MCOLN3: variants seen among roughly 807,000 people sequenced by gnomAD.
The protein encoded by MCOLN3 is mucolipin-3.
Under a neutral mutation model 69.4 loss-of-function variants are expected in MCOLN3, and 62 were observed. The ratio of observed to expected loss-of-function variants is 0.89; its 90% CI spans 0.73 to 1.10. The LOEUF is 1.10. MCOLN3 is among the 50% of genes least tolerant of loss of function. MCOLN3 has a pLI of 0.00. For synonymous variants in MCOLN3, 183 were observed against 217.0 expected (o/e 0.84, Z 1.38); for missense variants, 564 against 656.4 (o/e 0.86, Z 1.54).
At chr1:85,026,969 G>A (rs1652256005) in intron 7 of MCOLN3, among the ~76,000 whole-genome samples, 1 of 151,602 alleles carries the variant, frequency 6.6e-6, no homozygotes, top group African/African-American at 2.4e-5. Flanking sequence ...GCCATGGTTG[G>A]TCTTGAACTC....
At chr1:85,046,333 A>T (rs576690917) in intron 1 of MCOLN3, among the ~76,000 whole-genome samples, 1 of 151,770 alleles carries the variant, frequency 6.6e-6, no homozygotes, top group East Asian at 1.9e-4. Context: ...ACGTTTGAAA[A>T]GGGTTGGGTC....
chr1:85,033,096 T>C (rs1247570605), intron 4 of MCOLN3, 140 bp from the exon 5 acceptor site: 2 of 775,106 alleles, frequency 2.6e-6, no homozygotes, highest in African/African-American at 1.8e-5. Context: ...TTTTAAAAGC[T>C]AAATAAACAT....
chr1:85,039,166 C>G lies in MCOLN3; in HGVS notation c.396+1844G>C, dbSNP rs143758775. On this transcript the variant is annotated intron_variant, in intron 3 of 12. Transcript: ENST00000370589. ...TTTTATCTTCAGCTAAAAGTACCTA[C>G]TGGTGCTTAGAAAAACAGTAAATCA... 2.0e-5 allele frequency among the ~76,000 whole-genome samples: 3 copies of G among 152,240 alleles called. No individual in the cohort carries two copies. In the East Asian group the frequency reaches 5.8e-4, roughly 29 times the overall value.
rs773012230 is a variant in MCOLN3, at chr1:85,032,959, G to T, written c.551-3C>A. ...ATCTGGCTCCACAAAGAAACACTCT[G>T]CCATAGAAAGGAACAAAAACATGAT... is the stretch of plus-strand genomic sequence containing the variant. On this transcript the variant is annotated splice_polypyrimidine_tract_variant and splice_region_variant and intron_variant, in intron 4 of 12. Transcript: ENST00000370589. The T allele has an allele frequency of 1.2e-6, 2 of 1,613,568 alleles. No individual in the cohort carries two copies. Among genetic ancestry groups the T allele is most frequent in the East Asian group, 2.2e-5 (1 of 44,888 alleles).
chr1:85,019,162 A>T lies in MCOLN3; in HGVS notation c.1623T>A (p.Asp541Glu). ...LPNSGKYRLE[D>E]DPPVSLFCCC... is the part of the protein sequence containing the mutation. ...AGCAGAATAAAGATACTGGAGGGTCATCTTCTAATCTGTATTTTCCAGAGT... is the reference window on the plus strand; with the variant it reads ...AGCAGAATAAAGATACTGGAGGGTCTTCTTCTAATCTGTATTTTCCAGAGT... The change falls in exon 13 of 13, where the codon GAT becomes GAA. Residue 541 changes from aspartate to glutamate, a missense_variant. Coordinates refer to ENST00000370589, the MANE Select transcript of MCOLN3 (RefSeq NM_018298.11). The T allele has an allele frequency of 6.2e-7, 1 of 1,613,776 alleles. No individual in the cohort carries two copies. Among genetic ancestry groups the T allele is most frequent in the Non-Finnish European group, 8.5e-7 (1 of 1,179,724 alleles).
At chr1:85,039,705 TG>T (rs1652966329) in intron 3 of MCOLN3, among the ~76,000 whole-genome samples, 1 of 152,250 alleles carries the variant, frequency 6.6e-6, no homozygotes, top group South Asian at 2.1e-4. Context: ...TAATGCACTT[TG>T]GGAGGCTGAG....
At chr1:85,045,397 A>G (rs750746229) in intron 1 of MCOLN3, 35 bp from the exon 2 acceptor site, 16 of 1,520,562 alleles carry the variant, frequency 1.1e-5, no homozygotes, top group African/African-American at 1.4e-5. Context: ...AACAACCAAC[A>G]TTTCCATTTA....
intron 6 of MCOLN3, 181 bp from the exon 7 acceptor site, chr1:85,029,386 A>G: frequency 1.8e-6 from 1 of 562,780 alleles, no homozygotes; most frequent in Middle Eastern, 4.5e-4. Context: ...AATGAGAACG[A>G]TGAACTAGAT....
chr1:85,023,964 T>C (rs1228063748), intron 9 of MCOLN3, among the ~76,000 whole-genome samples: 1 of 152,168 alleles, frequency 6.6e-6, no homozygotes, highest in African/African-American at 2.4e-5. Flanking sequence ...ATTGGACTTA[T>C]CAGCATGAGA....
intron 2 of MCOLN3, among the ~76,000 whole-genome samples, chr1:85,043,462 G>A (rs537915486): frequency 9.9e-5 from 15 of 151,926 alleles, no homozygotes; most frequent in African/African-American, 3.4e-4. Flanking sequence ...CCCGGGAGGC[G>A]GAGGTTGCAG....
At chr1:85,031,153 C>A (rs1213212288) in intron 6 of MCOLN3, among the ~76,000 whole-genome samples, 1 of 151,854 alleles carries the variant, frequency 6.6e-6, no homozygotes, top group African/African-American at 2.4e-5. Context: ...TGCCTGTAGT[C>A]CCAGCTACTC....
chr1:85,046,233 G>A (rs1482430409), intron 1 of MCOLN3, among the ~76,000 whole-genome samples: 1 of 151,898 alleles, frequency 6.6e-6, no homozygotes, highest in Non-Finnish European at 1.5e-5. Context: ...CCCAGTCTGT[G>A]GCATCGCTTG....
At position 85,026,012 on chromosome 1, in the gene MCOLN3, C is replaced by T. The variant is rs1652195637; in HGVS notation, c.1022G>A (p.Trp341Ter). The change falls in exon 9 of 13, where the codon TGG becomes TAG. Residue 341 changes from tryptophan (W) to a stop codon, truncating the protein, a stop_gained. Coordinates refer to ENST00000370589, the MANE Select transcript of MCOLN3 (RefSeq NM_018298.11). LOFTEE classifies it high-confidence loss of function. Reference sequence around the variant, plus strand: ...GTCACTAATAATAATCATAATGTACCATCCATTGACAAATTCCATTTGATC... The same window carrying T: ...GTCACTAATAATAATCATAATGTACTATCCATTGACAAATTCCATTTGATC... ...VSDQMEFVNG[W>*]YIMIIISDIL... The T allele has an allele frequency of 1.3e-6, 2 of 1,597,310 alleles. No individual in the cohort carries two copies. Among genetic ancestry groups the T allele is most frequent in the Non-Finnish European group, 1.7e-6 (2 of 1,171,272 alleles).
chr1:85,040,911 AC>A (rs754105529), intron 3 of MCOLN3, 98 bp downstream of exon 3: 43 of 1,109,094 alleles, frequency 3.9e-5, no homozygotes, highest in Middle Eastern at 3.0e-4. Context: ...AGAAATGTTC[AC>A]CCTTCTCCAC....
In MCOLN3 at chr1:85,041,021, C is replaced by A. The variant is rs142799067; in HGVS notation, c.385G>T (p.Ala129Ser). The A allele has an allele frequency of 5.0e-6, 8 of 1,612,916 alleles. No homozygotes were observed. The highest frequency in any genetic ancestry group is 5.9e-6 in the Non-Finnish European group (7 of 1,179,726). Reference sequence around the variant, plus strand: ...CACACTTGATTTACCTGGTTTACTGCGAAGATTAACTGATCATACACGTCA... The same window carrying A: ...CACACTTGATTTACCTGGTTTACTGAGAAGATTAACTGATCATACACGTCA... ...QSDVYDQLIF[A>S]VNQYLQLYNV... The change falls in exon 3 of 13, where the codon GCA (alanine) becomes TCA (serine). Residue 129 changes from alanine to serine, a missense_variant. Physicochemically the swap from Ala to Ser is moderately conservative, Grantham distance 99 (BLOSUM62 1). Coordinates refer to ENST00000370589, the MANE Select transcript of MCOLN3 (RefSeq NM_018298.11).
At position 85,022,293 on chromosome 1, in the gene MCOLN3, C is replaced by T; in HGVS notation, c.1197+6G>A. On this transcript the variant is annotated splice_donor_region_variant and intron_variant, in intron 10 of 12. Transcript: ENST00000370589. ...CAACAGCATGGAGATCCGTGGAATTCCTTACGTTGTACTTTGCAAAGAAAC... is the reference window on the plus strand; with the variant it reads ...CAACAGCATGGAGATCCGTGGAATTTCTTACGTTGTACTTTGCAAAGAAAC... 6.2e-7 allele frequency: 1 copy of T among 1,613,806 alleles called. No homozygotes were observed. Among genetic ancestry groups the T allele is most frequent in the Non-Finnish European group, 8.5e-7 (1 of 1,179,764 alleles).
chr1:85,043,687 A>C (rs1267817353), intron 2 of MCOLN3, among the ~76,000 whole-genome samples: 1 of 152,144 alleles, frequency 6.6e-6, no homozygotes, highest in African/African-American at 2.4e-5. Flanking sequence ...ACTTTTCACT[A>C]TTGAGACACA....
At chr1:85,034,326 C>T (rs1652699016) in intron 3 of MCOLN3, 75 bp from the exon 4 acceptor site, 2 of 1,485,098 alleles carry the variant, frequency 1.3e-6, no homozygotes, top group Non-Finnish European at 1.9e-6. Flanking sequence ...CCCTCCCTCC[C>T]CACCTCTGAT....
At chr1:85,040,865 A>C (rs897352444) in intron 3 of MCOLN3, 145 bp downstream of exon 3, 2 of 766,758 alleles carry the variant, frequency 2.6e-6, no homozygotes, top group African/African-American at 3.7e-5. Context: ...TATTTTTAAA[A>C]AATTAAAAAT....
Sources: allele counts gnomAD v4.1 joint callset (sites outside exome capture counted in the v4.1 genomes callset), GRCh38; gene constraint gnomAD v4.1.1; transcripts MANE v1.5; gene names NCBI Gene and HGNC (gene_info 2026-07-23, HGNC 2026-07-21).